CSMD3: variants seen among roughly 807,000 people sequenced by gnomAD.
CSMD3 encodes the protein CUB and Sushi multiple domains 3.
Under a neutral mutation model 435.2 loss-of-function variants are expected in CSMD3, and 177 were observed. The observed-to-expected ratio is 0.41, with a 90% CI of 0.36 to 0.46. CSMD3 has a LOEUF of 0.46. CSMD3 is among the 20% of genes least tolerant of loss of function. The probability of loss-of-function intolerance (pLI) is 0.34; values close to 1 mark genes in which losing one functional copy is unlikely to be tolerated. For synonymous variants in CSMD3, 1,656 were observed against 1,520.5 expected, an observed-to-expected ratio of 1.09 and a Z score of -2.07; for missense variants, 4,265 against 4,504.6, an observed-to-expected ratio of 0.95 and a Z score of 1.52.
At chr8:112,422,615 C>A (rs1044216435) in intron 32 of CSMD3, among the ~76,000 whole-genome samples, 1 of 151,982 alleles carries the variant, frequency 6.6e-6, no homozygotes, top group Non-Finnish European at 1.5e-5. Context: ...AAAATAATAC[C>A]CACTCCTTTG....
intron 9 of CSMD3, among the ~76,000 whole-genome samples, chr8:112,922,282 T>C (rs1020197838): frequency 6.6e-6 from 1 of 152,024 alleles, no homozygotes; most frequent in African/African-American, 2.4e-5. Flanking sequence ...ACCTAAGATG[T>C]TTTCATGAAG....
chr8:112,754,336 C>T (rs1024936201), intron 13 of CSMD3, among the ~76,000 whole-genome samples: 1 of 152,120 alleles, frequency 6.6e-6, no homozygotes, highest in African/African-American at 2.4e-5. Context: ...ATATACAAAT[C>T]TCAAATTTTG....
intron 13 of CSMD3, among the ~76,000 whole-genome samples, chr8:112,734,278 G>T (rs1432726908): frequency 6.6e-6 from 1 of 151,080 alleles, no homozygotes; most frequent in African/African-American, 2.4e-5. Context: ...AGAGAGGAAG[G>T]GAGAGAGAGA....
intron 4 of CSMD3, among the ~76,000 whole-genome samples, chr8:113,152,427 C>CTCAG (rs1261978882): frequency 6.6e-6 from 1 of 152,012 alleles, no homozygotes; most frequent in African/African-American, 2.4e-5. Flanking sequence ...TTCAAGACAA[C>CTCAG]TCAGTATACA....
At chr8:112,840,889 A>T (rs2080159428) in intron 11 of CSMD3, among the ~76,000 whole-genome samples, 1 of 151,742 alleles carries the variant, frequency 6.6e-6, no homozygotes. Flanking sequence ...CATATTTAAA[A>T]ATATGACTCT....
chr8:112,534,382 A>T (rs1291601147), intron 27 of CSMD3, among the ~76,000 whole-genome samples: 1 of 152,208 alleles, frequency 6.6e-6, no homozygotes, highest in Non-Finnish European at 1.5e-5. Flanking sequence ...ACCATCAGAG[A>T]ATACTACAAA....
chr8:113,039,916 T>C lies in CSMD3; in HGVS notation c.918-20737A>G, dbSNP rs533872168. The stretch of plus-strand genomic sequence containing the variant: ...AAAAGTTAATTGAGCACTTTATATA[T>C]GTTGGGTACCCTTCTAGGAGTCAAA... On this transcript the variant is annotated intron_variant, in intron 5 of 70. Coordinates refer to ENST00000297405, the MANE Select transcript of CSMD3 (RefSeq NM_198123.2). Among the ~76,000 whole-genome samples, 4 of 152,340 alleles carry C rather than the reference T, an allele frequency of 2.6e-5. No individual in the cohort carries two copies. In the South Asian group the frequency reaches 8.3e-4, roughly 32 times the overall value.
At chr8:112,922,179 C>A (rs2082764255) in intron 9 of CSMD3, among the ~76,000 whole-genome samples, 1 of 151,984 alleles carries the variant, frequency 6.6e-6, no homozygotes, top group East Asian at 1.9e-4. Flanking sequence ...TTTAGAGATG[C>A]AAAATTGTAC....
At chr8:112,240,898 G>A (rs185671204) in intron 66 of CSMD3, among the ~76,000 whole-genome samples, 3 of 152,044 alleles carry the variant, frequency 2.0e-5, no homozygotes, top group East Asian at 1.9e-4. Context: ...TTGCCCGCTC[G>A]CATCCATGTA....
In CSMD3 at chr8:113,039,212, C is replaced by T. The variant is rs535362682; in HGVS notation, c.918-20033G>A. On this transcript the variant is annotated intron_variant, in intron 5 of 70. Transcript: ENST00000297405. ...AAAAAAATTAACCATGTTGTATTTG[C>T]ATTTTTTCCTACCAGTTTGAATTAA... is the stretch of plus-strand genomic sequence containing the variant. Among the ~76,000 whole-genome samples, 144 of 152,022 alleles carry T rather than the reference C, an allele frequency of 9.5e-4. 1 individual carries two copies. The highest frequency in any genetic ancestry group is 1.7e-3 in the Non-Finnish European group (113 of 67,936).
intron 63 of CSMD3, among the ~76,000 whole-genome samples, chr8:112,248,638 C>A (rs1814981019): frequency 6.6e-6 from 1 of 152,106 alleles, no homozygotes. Context: ...TTCCTACCCC[C>A]TCTTGAGCGG....
At chr8:113,156,931 CA>C (rs1407142470) in intron 4 of CSMD3, among the ~76,000 whole-genome samples, 1 of 132,714 alleles carries the variant, frequency 7.5e-6, no homozygotes, top group South Asian at 2.5e-4. Flanking sequence ...GATTTTGTCT[CA>C]AAAGAGAGAG....
At chr8:112,676,416 A>C (rs1241155125) in intron 16 of CSMD3, among the ~76,000 whole-genome samples, 1 of 152,132 alleles carries the variant, frequency 6.6e-6, no homozygotes, top group Admixed American at 6.6e-5. Context: ...TAGCATATTT[A>C]ATAAAATAAA....
intron 13 of CSMD3, among the ~76,000 whole-genome samples, chr8:112,712,289 G>A (rs1158148328): frequency 6.6e-6 from 1 of 152,112 alleles, no homozygotes; most frequent in Non-Finnish European, 1.5e-5. Flanking sequence ...GTTGGGAGAA[G>A]GGGTAATTAA....
chr8:113,376,827 G>A (rs1382429849), intron 1 of CSMD3: 1 of 1,613,624 alleles, frequency 6.2e-7, no homozygotes, highest in South Asian at 1.1e-5. Flanking sequence ...GGTTGTTTAT[G>A]AGTCGCAACA....
At chr8:112,451,830 G>C (rs751440117) in intron 32 of CSMD3, among the ~76,000 whole-genome samples, 1 of 152,108 alleles carries the variant, frequency 6.6e-6, no homozygotes, top group Non-Finnish European at 1.5e-5. Context: ...GAGCCACAGC[G>C]CCTGGCCCCA....
chr8:113,432,154 A>G (rs1053688871), intron 1 of CSMD3, among the ~76,000 whole-genome samples: 2 of 152,152 alleles, frequency 1.3e-5, no homozygotes, highest in South Asian at 2.1e-4. Context: ...CTCCTCCCCA[A>G]CCAGATGATT....
intron 10 of CSMD3, among the ~76,000 whole-genome samples, chr8:112,886,983 G>C (rs1026706698): frequency 6.6e-6 from 1 of 151,416 alleles, no homozygotes; most frequent in Non-Finnish European, 1.5e-5. Context: ...TGACTGTATG[G>C]TTTAAGTGGA....
At chr8:112,738,552 C>T (rs558448197) in intron 13 of CSMD3, among the ~76,000 whole-genome samples, 113 of 151,602 alleles carry the variant, frequency 7.5e-4, no homozygotes, top group Non-Finnish European at 1.4e-3. Flanking sequence ...ATTTTAATTT[C>T]AAAGATTTGA....
Sources: allele counts gnomAD v4.1 joint callset (sites outside exome capture counted in the v4.1 genomes callset), GRCh38; gene constraint gnomAD v4.1.1; transcripts MANE v1.5; gene names NCBI Gene and HGNC (gene_info 2026-07-23, HGNC 2026-07-21).